INSL6: variants seen among roughly 807,000 people sequenced by gnomAD.
INSL6 encodes insulin like 6, also known as insulin-like peptide INSL6.
A neutral mutation model predicts 9.4 loss-of-function variants in INSL6; 16 were observed. The ratio of observed to expected loss-of-function variants is 1.70; its 90% CI spans 1.15 to 2.59. INSL6 has a LOEUF of 2.59. INSL6 is among the 30% of genes most tolerant of loss of function. The pLI, the probability that INSL6 is intolerant of heterozygous loss-of-function variation, is 0.00. For synonymous variants in INSL6, 154 were observed against 96.9 expected, an observed-to-expected ratio of 1.59 and a Z score of -3.46; for missense variants, 391 against 257.3, an observed-to-expected ratio of 1.52 and a Z score of -3.56.
At chr9:5,038,095 C>T in the INSL6 span, among the ~76,000 whole-genome samples, 10 of 152,158 alleles carry the variant, frequency 6.6e-5, no homozygotes, top group African/African-American at 1.9e-4. Flanking sequence ...TTGAAAAGGC[C>T]ATTAATGATT....
At chr9:5,179,401 G>A (rs1381006874) in intron 1 of INSL6, among the ~76,000 whole-genome samples, 1 of 152,122 alleles carries the variant, frequency 6.6e-6, no homozygotes. Context: ...CTTTTACACT[G>A]TTGGTAGGGT....
chr9:5,062,185 C>T, the INSL6 span, among the ~76,000 whole-genome samples: 1 of 151,892 alleles, frequency 6.6e-6, no homozygotes, highest in Non-Finnish European at 1.5e-5. Flanking sequence ...GATGCAAAAC[C>T]TGCATATGTG....
At chr9:5,132,516 ACAAT>A (rs1181238582) in intron 3 of INSL6, among the ~76,000 whole-genome samples, 1 of 151,968 alleles carries the variant, frequency 6.6e-6, no homozygotes, top group Non-Finnish European at 1.5e-5. Flanking sequence ...TAGCTGTTTA[ACAAT>A]CAGATTCTTA....
chr9:5,122,002 A>T (rs140374058), downstream of INSL6, among the ~76,000 whole-genome samples: 1 of 152,276 alleles, frequency 6.6e-6, no homozygotes, highest in East Asian at 1.9e-4. Context: ...ATTTGTAAAG[A>T]CTAAATGTAA....
At chr9:5,045,602 A>T in the INSL6 span, among the ~76,000 whole-genome samples, 125 of 152,156 alleles carry the variant, frequency 8.2e-4, no homozygotes, top group Admixed American at 1.4e-3. Context: ...TTTTGCAATC[A>T]CCATTCTACT....
chr9:5,177,796 C>A (rs1825345080), intron 1 of INSL6, among the ~76,000 whole-genome samples: 1 of 152,056 alleles, frequency 6.6e-6, no homozygotes, highest in Non-Finnish European at 1.5e-5. Context: ...TTGGAGAATC[C>A]AAACAGTCCA....
chr9:4,996,961 A>C, the INSL6 span, among the ~76,000 whole-genome samples: 1 of 119,088 alleles, frequency 8.4e-6, no homozygotes, highest in Admixed American at 1.1e-4. Flanking sequence ...AGATGGTTTC[A>C]CTGTCACTCA....
the INSL6 span, chr9:5,109,873 T>A: frequency 6.6e-6 from 1 of 152,172 alleles, no homozygotes; most frequent in Non-Finnish European, 1.5e-5. Flanking sequence ...ACCAACAAAC[T>A]CTTTCAACTC....
the INSL6 span, chr9:5,091,045 CT>C: frequency 0.042 from 20,562 of 489,036 alleles, 1 homozygote; most frequent in Middle Eastern, 0.066. Flanking sequence ...TTACATTTAA[CT>C]TTTTTTTTTT....
At chr9:5,113,803 G>A in the INSL6 span, 90 of 168,594 alleles carry the variant, frequency 5.3e-4, 1 homozygote, top group African/African-American at 1.7e-3. Flanking sequence ...CACCTGCAGC[G>A]TGGCACACAC....
the INSL6 span, among the ~76,000 whole-genome samples, chr9:5,043,571 A>G: frequency 1.3e-5 from 2 of 152,246 alleles, no homozygotes; most frequent in Non-Finnish European, 2.9e-5. Context: ...AAGAGTTACC[A>G]TATGACTCAG....
chr9:5,042,533 C>T, the INSL6 span, among the ~76,000 whole-genome samples: 1 of 152,210 alleles, frequency 6.6e-6, no homozygotes, highest in East Asian at 1.9e-4. Context: ...GAAAGGCCCC[C>T]TCCACCCCCA....
chr9:5,085,878 GT>G, the INSL6 span: 9 of 795,982 alleles, frequency 1.1e-5, no homozygotes, highest in African/African-American at 1.7e-5. Flanking sequence ...AAGTTCTGTT[GT>G]TGATATGAGC....
At chr9:5,166,769 G>C (rs1825062081) in intron 1 of INSL6, among the ~76,000 whole-genome samples, 1 of 152,200 alleles carries the variant, frequency 6.6e-6, no homozygotes, top group East Asian at 1.9e-4. Context: ...CAGAAAACGA[G>C]CAAAAGCTGC....
the INSL6 span, among the ~76,000 whole-genome samples, chr9:5,067,649 C>CA: frequency 6.6e-6 from 1 of 151,086 alleles, no homozygotes; most frequent in Non-Finnish European, 1.5e-5. Flanking sequence ...AGTATGAATT[C>CA]AAAAAAATAT....
chr9:5,126,758 A>G lies in INSL6; in HGVS notation c.*11-2247T>C, dbSNP rs144558377. ...CCTCCTTTAGGGATCTAGCTCTTCGAGTGGATCAAATAAGGGATAACATGG... is the reference window on the plus strand; with the variant it reads ...CCTCCTTTAGGGATCTAGCTCTTCGGGTGGATCAAATAAGGGATAACATGG... On this transcript the variant is annotated intron_variant, in intron 3 of 3. Transcript: ENST00000649639. 813 of 1,610,062 alleles carry G rather than the reference A, an allele frequency of 5.0e-4. No individual in the cohort carries two copies. The highest frequency in any genetic ancestry group is 6.4e-4 in the Non-Finnish European group (755 of 1,177,008).
chr9:5,041,504 C>G, the INSL6 span: 1 of 574,570 alleles, frequency 1.7e-6, no homozygotes, highest in Non-Finnish European at 3.4e-6. Context: ...AGATCGGGGA[C>G]ACATAGCGCG....
At chr9:5,153,461 A>C (rs1460325547) in intron 2 of INSL6, among the ~76,000 whole-genome samples, 1 of 152,236 alleles carries the variant, frequency 6.6e-6, no homozygotes, top group East Asian at 1.9e-4. Context: ...CCAGCTCAGC[A>C]AGGCCACCGT....
intron 1 of INSL6, among the ~76,000 whole-genome samples, chr9:5,177,163 C>T (rs1015699008): frequency 3.9e-5 from 6 of 152,062 alleles, no homozygotes; most frequent in African/African-American, 1.4e-4. Context: ...GAATTCAGCA[C>T]CTTCAACTGA....
Sources: allele counts gnomAD v4.1 joint callset (sites outside exome capture counted in the v4.1 genomes callset), GRCh38; gene constraint gnomAD v4.1.1; transcripts MANE v1.5; gene names NCBI Gene and HGNC (gene_info 2026-07-23, HGNC 2026-07-21).